The following PTPN13 variants were observed in gnomAD, a reference collection of about 807,000 sequenced individuals.
The protein encoded by PTPN13 is tyrosine-protein phosphatase non-receptor type 13.
In PTPN13, 191 loss-of-function variants were observed where a neutral mutation model predicts 284.0. The ratio of observed to expected loss-of-function variants is 0.67; its 90% CI spans 0.60 to 0.76. The LOEUF is 0.76. PTPN13 is among the 30% of genes least tolerant of loss of function. The pLI, the probability that PTPN13 is intolerant of heterozygous loss-of-function variation, is 0.00. For missense variants in PTPN13, 2,797 were observed against 2,939.9 expected (o/e 0.95, Z 1.12); for synonymous variants, 986 against 1,022.3 (o/e 0.96, Z 0.68).
intron 5 of PTPN13, 72 bp from the exon 6 acceptor site, chr4:86,693,515 C>G (rs1412555835): frequency 3.2e-6 from 3 of 941,508 alleles, no homozygotes; most frequent in Non-Finnish European, 4.7e-6. Context: ...TAGTGTCATT[C>G]TGTAAACAGT....
intron 17 of PTPN13, among the ~76,000 whole-genome samples, chr4:86,747,164 T>C (rs949512864): frequency 6.6e-6 from 1 of 152,250 alleles, no homozygotes; most frequent in Non-Finnish European, 1.5e-5. Flanking sequence ...ATCCTCAACA[T>C]TTCTTATACT....
intron 26 of PTPN13, 109 bp downstream of exon 26, chr4:86,765,597 C>G (rs1739208062): frequency 1.4e-6 from 1 of 716,012 alleles, no homozygotes. Flanking sequence ...GAAATAAGAA[C>G]ATACTCAATT....
At chr4:86,637,925 A>G (rs1723234754) in intron 2 of PTPN13, among the ~76,000 whole-genome samples, 1 of 151,682 alleles carries the variant, frequency 6.6e-6, no homozygotes, top group Non-Finnish European at 1.5e-5. Context: ...GTATATCTAG[A>G]AAACCCCATC....
intron 6 of PTPN13, among the ~76,000 whole-genome samples, chr4:86,700,961 C>G (rs764793134): frequency 1.3e-5 from 2 of 151,950 alleles, no homozygotes; most frequent in African/African-American, 2.4e-5. Context: ...TTTTTAAAAC[C>G]AAATAATTCA....
At chr4:86,777,407 C>T (rs1461683349) in intron 35 of PTPN13, among the ~76,000 whole-genome samples, 1 of 152,206 alleles carries the variant, frequency 6.6e-6, no homozygotes, top group East Asian at 1.9e-4. Context: ...CTGCCTCCCT[C>T]TTTCACTTAT....
chr4:86,609,755 T>C (rs946918549), intron 1 of PTPN13, among the ~76,000 whole-genome samples: 1 of 152,140 alleles, frequency 6.6e-6, no homozygotes, highest in Non-Finnish European at 1.5e-5. Context: ...AAAGCAAACG[T>C]GGATGTCTTA....
chr4:86,771,598 A>G (rs1238428210), intron 31 of PTPN13, 63 bp downstream of exon 31: 9 of 1,432,968 alleles, frequency 6.3e-6, no homozygotes, highest in African/African-American at 4.3e-5. Flanking sequence ...AGTAGCAGCA[A>G]CATGCATTTC....
chr4:86,661,872 A>C (rs1178120082), intron 2 of PTPN13, among the ~76,000 whole-genome samples: 1 of 152,106 alleles, frequency 6.6e-6, no homozygotes, highest in Admixed American at 6.6e-5. Flanking sequence ...GAAATCACTG[A>C]GTTTATTCTT....
intron 9 of PTPN13, among the ~76,000 whole-genome samples, chr4:86,718,919 T>A (rs1014899768): frequency 6.6e-6 from 1 of 152,218 alleles, no homozygotes; most frequent in African/African-American, 2.4e-5. Flanking sequence ...GACCCCATTT[T>A]GATACTTTTG....
chr4:86,712,721 A>C (rs956796217), intron 7 of PTPN13, among the ~76,000 whole-genome samples: 2 of 152,096 alleles, frequency 1.3e-5, no homozygotes, highest in Non-Finnish European at 2.9e-5. Flanking sequence ...TCCTCCCCGA[A>C]GGTGTATTAC....
At chr4:86,743,967 C>G (rs1736445646) in intron 16 of PTPN13, among the ~76,000 whole-genome samples, 1 of 152,158 alleles carries the variant, frequency 6.6e-6, no homozygotes, top group Non-Finnish European at 1.5e-5. Context: ...ATGTTGAACA[C>G]TGGTCTCTTA....
chr4:86,769,212 A>G (rs1215156670), intron 28 of PTPN13, among the ~76,000 whole-genome samples: 1 of 152,116 alleles, frequency 6.6e-6, no homozygotes, highest in Non-Finnish European at 1.5e-5. Context: ...ATTTCCACAT[A>G]ACCTCCTCTA....
intron 43 of PTPN13, among the ~76,000 whole-genome samples, chr4:86,804,605 C>G: frequency 6.6e-6 from 1 of 152,140 alleles, no homozygotes; most frequent in Non-Finnish European, 1.5e-5. Flanking sequence ...CCATCACAAC[C>G]CTTACAAAGT....
At chr4:86,717,187 GA>G in intron 9 of PTPN13, 70 bp downstream of exon 9, 3 of 1,006,056 alleles carry the variant, frequency 3.0e-6, no homozygotes, top group Admixed American at 2.7e-5. Context: ...GAATTAAATG[GA>G]ATTTTTTTTT....
chr4:86,756,412 C>G (rs1464367473), intron 20 of PTPN13, among the ~76,000 whole-genome samples: 1 of 152,024 alleles, frequency 6.6e-6, no homozygotes, highest in Non-Finnish European at 1.5e-5. Context: ...AATGGATGGG[C>G]TTTTGCTTAG....
intron 1 of PTPN13, among the ~76,000 whole-genome samples, chr4:86,625,073 A>G (rs1721679216): frequency 6.6e-6 from 1 of 152,132 alleles, no homozygotes; most frequent in Non-Finnish European, 1.5e-5. Flanking sequence ...AACATGAAAC[A>G]TGCTCCTTTC....
chr4:86,701,369 T>G lies in PTPN13; in HGVS notation c.763T>G (p.Phe255Val). 6.2e-7 allele frequency: 1 copy of G among 1,613,152 alleles called. No individual in the cohort carries two copies. Among genetic ancestry groups the G allele is most frequent in the Non-Finnish European group, 8.5e-7 (1 of 1,179,326 alleles). ...CAAAGATACACAAGATGAGAATTAT[T>G]TCAAGGACATTTTATCAGATAATTC... Reference protein sequence around the residue: ...SIKDTQDENYFKDILSDNSGR... With the variant: ...SIKDTQDENYVKDILSDNSGR... The change falls in exon 7 of 48, where the codon TTC (phenylalanine) becomes GTC (valine). Residue 255 changes from phenylalanine (F) to valine (V), a missense_variant. Coordinates refer to ENST00000411767, the MANE Select transcript of PTPN13 (RefSeq NM_080683.3).
rs1744791963 is a variant in PTPN13 at position 86,807,616 on chromosome 4, A to G, written c.6802A>G (p.Ile2268Val). The G allele has an allele frequency of 6.2e-7, 1 of 1,614,006 alleles. No individual in the cohort carries two copies. The highest frequency in any genetic ancestry group is 8.5e-7 in the Non-Finnish European group (1 of 1,179,866). The change falls in exon 45 of 48, where the codon ATT becomes GTT. Residue 2268 changes from isoleucine (I) to valine (V), a missense_variant. Physicochemically the swap from Ile to Val is conservative, Grantham distance 29. Transcript: ENST00000411767. ...DEGGYINASFIKIPVGKEEFV... is the reference protein window; with the variant it reads ...DEGGYINASFVKIPVGKEEFV... Reference sequence around the variant, plus strand: ...AGGTGGCTATATCAATGCCAGCTTCATTAAGATACCAGTTGGGAAAGAAGA... The same window carrying G: ...AGGTGGCTATATCAATGCCAGCTTCGTTAAGATACCAGTTGGGAAAGAAGA...
chr4:86,791,747 A>G (rs1742698814), intron 40 of PTPN13, among the ~76,000 whole-genome samples: 1 of 152,180 alleles, frequency 6.6e-6, no homozygotes, highest in Non-Finnish European at 1.5e-5. Flanking sequence ...GCAAACTCCA[A>G]CAGACCTGCA....
Sources: allele counts gnomAD v4.1 joint callset (sites outside exome capture counted in the v4.1 genomes callset), GRCh38; gene constraint gnomAD v4.1.1; transcripts MANE v1.5; gene names NCBI Gene and HGNC (gene_info 2026-07-23, HGNC 2026-07-21).